The following PTPRN2 variants were observed in gnomAD, a reference collection of about 807,000 sequenced individuals.
PTPRN2 encodes receptor-type tyrosine-protein phosphatase N2.
In PTPRN2, 74 loss-of-function variants were observed where a neutral mutation model predicts 118.8. That is an observed-to-expected ratio of 0.62 (90% CI 0.52 to 0.76). The LOEUF (loss-of-function observed/expected upper bound fraction) is 0.76. Among genes scored for constraint, PTPRN2 ranks in the 30% least tolerant of loss-of-function variants. The probability of loss-of-function intolerance (pLI) is 0.00; values close to 1 mark genes in which losing one functional copy is unlikely to be tolerated. For missense variants in PTPRN2, 1,481 were observed against 1,394.4 expected, an observed-to-expected ratio of 1.06 and a Z score of -0.99; for synonymous variants, 641 against 608.0, an observed-to-expected ratio of 1.05 and a Z score of -0.80.
At chr7:158,061,677 C>T (rs928872525) in intron 11 of PTPRN2, among the ~76,000 whole-genome samples, 6 of 152,306 alleles carry the variant, frequency 3.9e-5, no homozygotes, top group African/African-American at 7.2e-5. Flanking sequence ...GTCCAAGAGC[C>T]GTAGCTGAGA....
At chr7:157,728,557 A>G (rs1799723628) in intron 12 of PTPRN2, among the ~76,000 whole-genome samples, 1 of 152,202 alleles carries the variant, frequency 6.6e-6, no homozygotes, top group African/African-American at 2.4e-5. Context: ...AAAGTCTTAA[A>G]ACATTTGTAC....
intron 9 of PTPRN2, among the ~76,000 whole-genome samples, chr7:158,121,985 T>C (rs1817211732): frequency 6.6e-6 from 1 of 152,240 alleles, no homozygotes; most frequent in Admixed American, 6.5e-5. Context: ...AGCCATCATC[T>C]GTCATTCCGA....
At chr7:157,992,936 C>T (rs761942750) in intron 11 of PTPRN2, among the ~76,000 whole-genome samples, 5 of 152,256 alleles carry the variant, frequency 3.3e-5, no homozygotes, top group Admixed American at 6.5e-5. Context: ...AGACGCGTGG[C>T]GGCCGGGTCA....
intron 1 of PTPRN2, among the ~76,000 whole-genome samples, chr7:158,532,010 A>T (rs1484874953): frequency 6.6e-6 from 1 of 152,236 alleles, no homozygotes; most frequent in Non-Finnish European, 1.5e-5. Context: ...CTTCCCTCTG[A>T]AGGGTCAGAT....
rs114642572 is a variant in PTPRN2, at chr7:158,538,291, G to A, written c.113-48506C>T. 7.7e-3 allele frequency among the ~76,000 whole-genome samples: 1,173 copies of A among 152,308 alleles called. 17 individuals are homozygous for A. The highest frequency in any genetic ancestry group is 0.026 in the African/African-American group (1,068 of 41,576). Reference sequence around the variant, plus strand: ...TCGGAAAGTGTTTCGAGACCTGCTCGTCCGGTGACTGGCGCACGCTGCGCT... The same window carrying A: ...TCGGAAAGTGTTTCGAGACCTGCTCATCCGGTGACTGGCGCACGCTGCGCT... On this transcript the variant is annotated intron_variant, in intron 1 of 22. Transcript: ENST00000389418.
At chr7:158,311,237 C>T (rs1324409546) in intron 3 of PTPRN2, among the ~76,000 whole-genome samples, 1 of 152,198 alleles carries the variant, frequency 6.6e-6, no homozygotes, top group African/African-American at 2.4e-5. Flanking sequence ...TGTTCCAGTC[C>T]ACATTATTTA....
chr7:158,519,664 T>C (rs1456845617), intron 1 of PTPRN2, among the ~76,000 whole-genome samples: 2 of 152,148 alleles, frequency 1.3e-5, no homozygotes, highest in Admixed American at 6.5e-5. Context: ...CTAGTGGCCA[T>C]ACAACATCCC....
chr7:157,886,734 G>A (rs887246984), intron 12 of PTPRN2, among the ~76,000 whole-genome samples: 7 of 111,508 alleles, frequency 6.3e-5, no homozygotes, highest in Non-Finnish European at 1.2e-4. Context: ...TAAGCAGCAA[G>A]CAGGCTGATG....
At chr7:158,046,357 T>C (rs1808874060) in intron 11 of PTPRN2, among the ~76,000 whole-genome samples, 2 of 150,464 alleles carry the variant, frequency 1.3e-5, no homozygotes, top group African/African-American at 4.9e-5. Flanking sequence ...ACTGCCTTGT[T>C]CTGTCCAGGA....
intron 2 of PTPRN2, among the ~76,000 whole-genome samples, chr7:158,435,220 A>C (rs1563288995): frequency 6.6e-6 from 1 of 152,344 alleles, no homozygotes; most frequent in Middle Eastern, 3.4e-3. Flanking sequence ...TTAATGTCCA[A>C]AATGTATAAG....
At chr7:158,514,971 A>G (rs973421350) in intron 1 of PTPRN2, among the ~76,000 whole-genome samples, 1 of 152,190 alleles carries the variant, frequency 6.6e-6, no homozygotes, top group Admixed American at 6.5e-5. Context: ...CATCTGAAGA[A>G]GAGGATTCCG....
intron 2 of PTPRN2, among the ~76,000 whole-genome samples, chr7:158,436,664 C>G (rs1362997905): frequency 6.6e-6 from 1 of 152,168 alleles, no homozygotes; most frequent in Non-Finnish European, 1.5e-5. Context: ...ATCTTTATAC[C>G]TGAGAAACAT....
chr7:157,983,396 T>C (rs1363474252), intron 11 of PTPRN2, among the ~76,000 whole-genome samples: 1 of 142,688 alleles, frequency 7.0e-6, no homozygotes, highest in Admixed American at 6.9e-5. Context: ...TGCAGAGTAC[T>C]GGGTTCCCCC....
At chr7:158,585,220 C>T (rs10254947) in intron 1 of PTPRN2, among the ~76,000 whole-genome samples, 32,011 of 152,108 alleles carry the variant, frequency 0.21, 3,642 homozygotes, top group East Asian at 0.42. Context: ...TGTGTTCTGA[C>T]AAAATGGCAG....
At chr7:158,223,568 T>A (rs1223424972) in intron 3 of PTPRN2, among the ~76,000 whole-genome samples, 1 of 152,142 alleles carries the variant, frequency 6.6e-6, no homozygotes, top group Non-Finnish European at 1.5e-5. Context: ...AAAAATCACA[T>A]GATTACAGCA....
chr7:157,703,844 G>C (rs1798198947), intron 12 of PTPRN2, among the ~76,000 whole-genome samples: 1 of 152,200 alleles, frequency 6.6e-6, no homozygotes, highest in South Asian at 2.1e-4. Flanking sequence ...CTCCGGGGCT[G>C]TGGTGAGGCT....
chr7:157,957,438 T>C (rs1236499126), intron 11 of PTPRN2, among the ~76,000 whole-genome samples: 1 of 152,124 alleles, frequency 6.6e-6, no homozygotes, highest in African/African-American at 2.4e-5. Flanking sequence ...GATCAGAGCA[T>C]TATGGCCAAA....
chr7:158,469,024 C>T (rs1466552257), intron 2 of PTPRN2, among the ~76,000 whole-genome samples: 10 of 130,848 alleles, frequency 7.6e-5, no homozygotes, highest in East Asian at 2.5e-4. Context: ...TGCACACCCA[C>T]ACACACTCCG....
At chr7:157,758,698 C>A (rs1228966614) in intron 12 of PTPRN2, among the ~76,000 whole-genome samples, 2 of 152,072 alleles carry the variant, frequency 1.3e-5, no homozygotes, top group Non-Finnish European at 2.9e-5. Flanking sequence ...CCCTCCTGAC[C>A]CCCGCCCATC....
Sources: allele counts gnomAD v4.1 joint callset (sites outside exome capture counted in the v4.1 genomes callset), GRCh38; gene constraint gnomAD v4.1.1; transcripts MANE v1.5; gene names NCBI Gene and HGNC (gene_info 2026-07-23, HGNC 2026-07-21).